Variants in RANBP17 observed in about 807,000 individuals in gnomAD.
The protein encoded by RANBP17 is RAN binding protein 17, also known as ran-binding protein 17.
Under a neutral mutation model 141.2 loss-of-function variants are expected in RANBP17, and 158 were observed. The ratio of observed to expected loss-of-function variants is 1.12; its 90% CI spans 0.98 to 1.28. RANBP17 has a LOEUF of 1.28. Ranked by LOEUF, RANBP17 falls within the 50% of genes most tolerant of loss-of-function variation. RANBP17 has a pLI of 0.00. For synonymous variants in RANBP17, 430 were observed against 450.0 expected (o/e 0.96, Z 0.56); for missense variants, 1,438 against 1,290.7 (o/e 1.11, Z -1.75).
chr5:171,000,094 A>G (rs560343617), intron 14 of RANBP17, among the ~76,000 whole-genome samples: 15 of 152,274 alleles, frequency 9.9e-5, no homozygotes, highest in African/African-American at 3.1e-4. Flanking sequence ...TTTTAAGACT[A>G]TTATTCCCTT....
At chr5:171,026,139 CT>C (rs1304872652) in intron 14 of RANBP17, among the ~76,000 whole-genome samples, 2 of 152,142 alleles carry the variant, frequency 1.3e-5, no homozygotes, top group African/African-American at 4.8e-5. Flanking sequence ...CTTTGGGAGG[CT>C]TTTAAATTGC....
chr5:171,203,987 G>A (rs1386474010), intron 19 of RANBP17, among the ~76,000 whole-genome samples: 2 of 152,102 alleles, frequency 1.3e-5, no homozygotes, highest in Non-Finnish European at 2.9e-5. Flanking sequence ...GCTTCCAGGA[G>A]TGTGAAAAGC....
intron 14 of RANBP17, among the ~76,000 whole-genome samples, chr5:171,057,170 A>G (rs565274093): frequency 3.9e-4 from 59 of 152,202 alleles, no homozygotes; most frequent in African/African-American, 1.4e-3. Flanking sequence ...CTTTTATTCT[A>G]ATGTTCAATT....
At chr5:171,143,280 A>G (rs1482278948) in intron 14 of RANBP17, 1 of 152,210 alleles carries the variant, frequency 6.6e-6, no homozygotes, top group African/African-American at 2.4e-5. Context: ...GAATAACATC[A>G]TGGAATCAGA....
chr5:171,140,716 C>T lies in RANBP17; in HGVS notation c.1711-29414C>T, dbSNP rs1462347398. Reference sequence around the variant, plus strand: ...TTTTATTGTGGTGGTAGTTACACATCCATATGCATTTGTCAAAACTCATAA... The same window carrying T: ...TTTTATTGTGGTGGTAGTTACACATTCATATGCATTTGTCAAAACTCATAA... On this transcript the variant is annotated intron_variant, in intron 14 of 27. Transcript: ENST00000523189. Among the ~76,000 whole-genome samples the T allele has an allele frequency of 1.8e-4, 28 of 152,122 alleles. 1 individual carries two copies. Among genetic ancestry groups the T allele is most frequent in the Admixed American group, 1.8e-3 (28 of 15,276 alleles).
chr5:171,186,526 C>CTTTTTTTTTTTTTTTTTTTTTTTTTT, intron 18 of RANBP17, among the ~76,000 whole-genome samples: 1 of 41,650 alleles, frequency 2.4e-5, no homozygotes, highest in Admixed American at 4.4e-4. Context: ...GTATGATTTT[C>CTTTTTTTTTTTTTTTTTTTTTTTTTT]TTTTTTTTTT....
At chr5:171,186,084 A>G (rs1291452022) in intron 18 of RANBP17, among the ~76,000 whole-genome samples, 2 of 152,160 alleles carry the variant, frequency 1.3e-5, no homozygotes, top group Admixed American at 1.3e-4. Context: ...TAGGATTTTC[A>G]AAATGGCAAA....
At chr5:170,926,092 G>A (rs942355452) in intron 12 of RANBP17, among the ~76,000 whole-genome samples, 1 of 152,138 alleles carries the variant, frequency 6.6e-6, no homozygotes, top group African/African-American at 2.4e-5. Flanking sequence ...TACCAATAGT[G>A]TTCAGGTGTT....
intron 3 of RANBP17, among the ~76,000 whole-genome samples, chr5:170,882,241 C>G (rs1245665716): frequency 6.6e-6 from 1 of 152,066 alleles, no homozygotes; most frequent in Non-Finnish European, 1.5e-5. Flanking sequence ...GCTACCACAC[C>G]CAGCTAATTT....
chr5:171,208,949 T>G (rs1762725689), intron 20 of RANBP17, among the ~76,000 whole-genome samples: 1 of 152,238 alleles, frequency 6.6e-6, no homozygotes, highest in Non-Finnish European at 1.5e-5. Flanking sequence ...TTTGCTCACT[T>G]ATTCAGCAAA....
chr5:171,121,694 A>G (rs1334766935), intron 14 of RANBP17, among the ~76,000 whole-genome samples: 2 of 152,186 alleles, frequency 1.3e-5, no homozygotes, highest in Middle Eastern at 3.2e-3. Flanking sequence ...GCGCAGGACC[A>G]GAGTCACTGC....
chr5:171,108,471 G>A (rs1755001115), intron 14 of RANBP17, among the ~76,000 whole-genome samples: 1 of 152,120 alleles, frequency 6.6e-6, no homozygotes, highest in South Asian at 2.1e-4. Flanking sequence ...GGAGTGCAGT[G>A]GTACAAACAC....
At chr5:171,115,338 A>T (rs575200814) in intron 14 of RANBP17, among the ~76,000 whole-genome samples, 116 of 152,336 alleles carry the variant, frequency 7.6e-4, no homozygotes, top group Non-Finnish European at 1.1e-3. Flanking sequence ...TAATACAATG[A>T]TAAAGTATTT....
chr5:170,972,336 C>T (rs533910842), intron 14 of RANBP17, among the ~76,000 whole-genome samples: 24 of 151,926 alleles, frequency 1.6e-4, no homozygotes, highest in South Asian at 2.1e-4. Context: ...CATGCACCAC[C>T]GCGCCTGGCT....
intron 8 of RANBP17, 49 bp downstream of exon 8, chr5:170,914,289 AGGGGT>A (rs1771770569): frequency 8.4e-7 from 1 of 1,188,000 alleles, no homozygotes; most frequent in African/African-American, 1.5e-5. Context: ...TGTGTAAATA[AGGGGT>A]GGTATATATT....
At chr5:171,011,026 A>G (rs1202553580) in intron 14 of RANBP17, among the ~76,000 whole-genome samples, 2 of 152,136 alleles carry the variant, frequency 1.3e-5, no homozygotes, top group African/African-American at 4.8e-5. Context: ...CAGAAAAAAG[A>G]GGAAGAGAAG....
intron 14 of RANBP17, among the ~76,000 whole-genome samples, chr5:171,006,928 G>T (rs897919740): frequency 4.6e-5 from 7 of 152,080 alleles, no homozygotes; most frequent in African/African-American, 1.7e-4. Flanking sequence ...CTTCAACTAG[G>T]CAGGAAACCA....
rs928930144 is a variant in RANBP17 at position 170,950,446 on chromosome 5, A to C, written c.1469-3151A>C. On this transcript the variant is annotated intron_variant, in intron 12 of 27. Transcript: ENST00000523189. The stretch of plus-strand genomic sequence containing the variant: ...AATGACATGAATAGACATTTCTCAA[A>C]AGGAGAACATACAAATGGCCAATAG... Among the ~76,000 whole-genome samples, 5 of 152,304 alleles carry C rather than the reference A, an allele frequency of 3.3e-5. No homozygotes were observed. The East Asian group carries it at 9.6e-4, about 29-fold the overall frequency.
chr5:171,153,229 G>A (rs997808988), intron 14 of RANBP17, among the ~76,000 whole-genome samples: 2 of 152,178 alleles, frequency 1.3e-5, no homozygotes, highest in African/African-American at 2.4e-5. Context: ...TCTGAAGTAG[G>A]TGTTGTTAAT....
Sources: allele counts gnomAD v4.1 joint callset (sites outside exome capture counted in the v4.1 genomes callset), GRCh38; gene constraint gnomAD v4.1.1; transcripts MANE v1.5; gene names NCBI Gene and HGNC (gene_info 2026-07-23, HGNC 2026-07-21).